Variants in LARGE1 observed in about 807,000 individuals in gnomAD.
LARGE1 encodes xylosyl- and glucuronyltransferase LARGE1.
A neutral mutation model predicts 87.6 loss-of-function variants in LARGE1; 43 were observed. The observed-to-expected ratio is 0.49, with a 90% CI of 0.38 to 0.63. The LOEUF is 0.63. Among genes scored for constraint, LARGE1 ranks in the 30% least tolerant of loss-of-function variants. LARGE1 has a pLI of 0.00. For missense variants in LARGE1, 802 were observed against 1,000.2 expected, an observed-to-expected ratio of 0.80 and a Z score of 2.67; for synonymous variants, 434 against 394.6, an observed-to-expected ratio of 1.10 and a Z score of -1.18.
the LARGE1 span, among the ~76,000 whole-genome samples, chr22:33,123,656 A>T: frequency 6.6e-6 from 1 of 152,256 alleles, no homozygotes; most frequent in Non-Finnish European, 1.5e-5. Flanking sequence ...ACAGAGAGCA[A>T]TGAAAGCATC....
rs564997350 is a variant in LARGE1 at position 33,483,623 on chromosome 22, G to A, written c.788-51358C>T. On this transcript the variant is annotated intron_variant, in intron 6 of 14. Coordinates refer to ENST00000397394, the MANE Select transcript of LARGE1 (RefSeq NM_133642.5). ...GGAAGTAGCCAAGGGGAACGAAATA[G>A]GAGGGGTCGGGCTGCATTAATGAAT... Among the ~76,000 whole-genome samples, 11 of 151,474 alleles carry A rather than the reference G, an allele frequency of 7.3e-5. No individual in the cohort carries two copies. The South Asian group carries it at 2.3e-3, about 31-fold the overall frequency.
intron 2 of LARGE1, among the ~76,000 whole-genome samples, chr22:33,721,362 G>C (rs760416080): frequency 1.3e-5 from 2 of 152,174 alleles, no homozygotes; most frequent in Non-Finnish European, 2.9e-5. Context: ...GTTTCCACAG[G>C]TGTATTATGA....
At chr22:33,233,624 TG>T (rs573782762) in intron 11 of LARGE1, among the ~76,000 whole-genome samples, 5 of 151,914 alleles carry the variant, frequency 3.3e-5, no homozygotes, top group Non-Finnish European at 7.4e-5. Flanking sequence ...AGACAAGGGA[TG>T]GGGGAGAGGG....
chr22:33,383,707 G>A (rs2065234108), intron 8 of LARGE1, among the ~76,000 whole-genome samples: 1 of 152,182 alleles, frequency 6.6e-6, no homozygotes, highest in African/African-American at 2.4e-5. Flanking sequence ...AGGGACACTA[G>A]GACAGCATCT....
rs568781698 is a variant in LARGE1, at chr22:33,916,156, C to T, written c.-83+3839G>A. On this transcript the variant is annotated intron_variant, in intron 1 of 14. Transcript: ENST00000397394. ...ATTAGCCGGGCGTGGGGGCGGGCGC[C>T]TGTAATCCCAGCTACTCGGGAGGCT... 9.2e-5 allele frequency among the ~76,000 whole-genome samples: 14 copies of T among 152,190 alleles called. No individual in the cohort carries two copies. In the East Asian group the frequency reaches 2.3e-3, roughly 25 times the overall value.
intron 2 of LARGE1, among the ~76,000 whole-genome samples, chr22:33,668,943 T>C (rs990653814): frequency 1.3e-5 from 2 of 152,216 alleles, no homozygotes; most frequent in African/African-American, 4.8e-5. Context: ...AGAGGGTTAA[T>C]TTGCAGCACT....
chr22:33,434,742 G>A (rs900688544), intron 6 of LARGE1, among the ~76,000 whole-genome samples: 1 of 152,050 alleles, frequency 6.6e-6, no homozygotes, highest in African/African-American at 2.4e-5. Context: ...AATACTCTAC[G>A]AGCTACACTT....
chr22:33,313,091 T>C (rs770193842), intron 11 of LARGE1, among the ~76,000 whole-genome samples: 21 of 152,196 alleles, frequency 1.4e-4, no homozygotes, highest in Non-Finnish European at 3.1e-4. Context: ...TGAGGCCCTC[T>C]GTGATCCAGC....
intron 2 of LARGE1, chr22:33,737,728 G>C (rs2083707855): frequency 6.6e-6 from 1 of 152,278 alleles, no homozygotes; most frequent in South Asian, 2.1e-4. Flanking sequence ...TGGAGAAAAA[G>C]CAAAGAGTGG....
At chr22:33,622,385 T>C (rs551430211) in intron 4 of LARGE1, among the ~76,000 whole-genome samples, 1 of 152,246 alleles carries the variant, frequency 6.6e-6, no homozygotes, top group South Asian at 2.1e-4. Flanking sequence ...CCTTCCGCCA[T>C]GATTATAAGT....
chr22:33,269,848 A>G (rs1928151115), downstream of LARGE1, among the ~76,000 whole-genome samples: 1 of 152,056 alleles, frequency 6.6e-6, no homozygotes, highest in East Asian at 1.9e-4. Flanking sequence ...TACTAAAAAT[A>G]CAAAAAATTA....
intron 1 of LARGE1, among the ~76,000 whole-genome samples, chr22:33,845,943 T>C (rs1273623838): frequency 6.6e-6 from 1 of 152,208 alleles, no homozygotes; most frequent in Non-Finnish European, 1.5e-5. Flanking sequence ...ATTAATTCCT[T>C]AACTTCATCT....
At position 33,472,831 on chromosome 22, in the gene LARGE1, G is replaced by A. The variant is rs73409028; in HGVS notation, c.788-40566C>T. Among the ~76,000 whole-genome samples the A allele has an allele frequency of 7.5e-3, 1,136 of 152,288 alleles. 8 individuals are homozygous for A. The highest frequency in any genetic ancestry group is 0.025 in the African/African-American group (1,052 of 41,552). Reference sequence around the variant, plus strand: ...TTTGGAATTTTACCAAGAGCTGCTCGTCATTTTGTAAAGTAATGATACCAG... The same window carrying A: ...TTTGGAATTTTACCAAGAGCTGCTCATCATTTTGTAAAGTAATGATACCAG... On this transcript the variant is annotated intron_variant, in intron 6 of 14. Transcript: ENST00000397394.
chr22:33,404,522 G>A (rs1029750215), intron 7 of LARGE1, among the ~76,000 whole-genome samples: 1 of 152,218 alleles, frequency 6.6e-6, no homozygotes, highest in South Asian at 2.1e-4. Flanking sequence ...GGGTCTGAAC[G>A]TGCTCCCACA....
At chr22:33,284,548 C>T (rs570690822) in intron 12 of LARGE1, among the ~76,000 whole-genome samples, 74 of 152,058 alleles carry the variant, frequency 4.9e-4, no homozygotes, top group Non-Finnish European at 8.7e-4. Context: ...GGAGAGCCAT[C>T]CACGGCCAAG....
At chr22:33,766,441 T>C (rs2084903238) in intron 1 of LARGE1, among the ~76,000 whole-genome samples, 2 of 152,144 alleles carry the variant, frequency 1.3e-5, no homozygotes, top group African/African-American at 4.8e-5. Flanking sequence ...TTGTTTTTGT[T>C]TGAGACACGG....
intron 4 of LARGE1, among the ~76,000 whole-genome samples, chr22:33,625,502 G>C (rs2079893309): frequency 6.6e-6 from 1 of 152,222 alleles, no homozygotes; most frequent in Non-Finnish European, 1.5e-5. Context: ...GTTTAACTAA[G>C]GCAGGACTTT....
chr22:33,703,976 T>C (rs1303967219), intron 2 of LARGE1, among the ~76,000 whole-genome samples: 1 of 152,220 alleles, frequency 6.6e-6, no homozygotes, highest in Non-Finnish European at 1.5e-5. Flanking sequence ...GGCCAAGTCA[T>C]GGGAGGATCT....
chr22:33,872,912 A>T (rs1473878886), intron 1 of LARGE1, among the ~76,000 whole-genome samples: 1 of 152,124 alleles, frequency 6.6e-6, no homozygotes, highest in South Asian at 2.1e-4. Context: ...AGGCAGGAGA[A>T]TTGCCTGAAC....
Sources: allele counts gnomAD v4.1 joint callset (sites outside exome capture counted in the v4.1 genomes callset), GRCh38; gene constraint gnomAD v4.1.1; transcripts MANE v1.5; gene names NCBI Gene and HGNC (gene_info 2026-07-23, HGNC 2026-07-21).